The following KPNB1 variants were observed in gnomAD, a reference collection of about 807,000 sequenced individuals.
KPNB1 encodes the protein importin subunit beta-1.
In KPNB1, 7 loss-of-function variants were observed where a neutral mutation model predicts 113.0. That is an observed-to-expected ratio of 0.06 (90% confidence interval 0.04 to 0.12). KPNB1 has a LOEUF of 0.12. Ranked by LOEUF, KPNB1 falls within the 10% of genes least tolerant of loss-of-function variation. The probability of loss-of-function intolerance (pLI) is 1.00; values close to 1 mark genes in which losing one functional copy is unlikely to be tolerated. For missense variants in KPNB1, 400 were observed against 1,054.8 expected, an observed-to-expected ratio of 0.38 and a Z score of 8.60; for synonymous variants, 363 against 378.6, an observed-to-expected ratio of 0.96 and a Z score of 0.48.
intron 21 of KPNB1, 51 bp downstream of exon 21, chr17:47,680,720 G>C (rs375442997): frequency 6.4e-7 from 1 of 1,563,908 alleles, no homozygotes; most frequent in Non-Finnish European, 8.7e-7. Context: ...GGAGGAGGGG[G>C]GTATGTTTTC....
rs752527694 is a variant in KPNB1, at chr17:47,684,900, G to A, written c.*2496G>A. On this transcript the variant is annotated 3_prime_UTR_variant, in exon 22 of 22. Coordinates refer to ENST00000290158, the MANE Select transcript of KPNB1 (RefSeq NM_002265.6). ...AGTCTGGGTATTTGTCCTTATATCA[G>A]TTATACCACCTAAGGCAACTGGGTG... 1 of 152,276 alleles carries A rather than the reference G, an allele frequency of 6.6e-6. No individual in the cohort carries two copies. The highest frequency in any genetic ancestry group is 1.5e-5 in the Non-Finnish European group (1 of 68,052). The allele number at this position is 152,276 out of a possible 1,614,324, so 9.4% of individuals were successfully genotyped here.
intron 9 of KPNB1, among the ~76,000 whole-genome samples, chr17:47,665,504 C>T (rs1216163636): frequency 1.3e-5 from 2 of 152,148 alleles, no homozygotes; most frequent in Admixed American, 6.6e-5. Context: ...AGGCCACTTG[C>T]GTATCTGTTG....
chr17:47,675,385 G>GTTTTTTTTTTTTTTTTTTTTTTT (rs1462077639), intron 15 of KPNB1, among the ~76,000 whole-genome samples: 1 of 82,110 alleles, frequency 1.2e-5, no homozygotes, highest in Non-Finnish European at 2.3e-5. Flanking sequence ...TTTTTTTTTT[G>GTTTTTTTTTTTTTTTTTTTTTTT]TTTGTTTTTT....
chr17:47,669,898 G>A, intron 11 of KPNB1, 29 bp downstream of exon 11: 1 of 1,513,934 alleles, frequency 6.6e-7, no homozygotes, highest in African/African-American at 1.4e-5. Context: ...GGTGAGAAAA[G>A]GAGCTTGCCT....
At chr17:47,666,489 A>G (rs1210510660) in intron 9 of KPNB1, among the ~76,000 whole-genome samples, 1 of 145,258 alleles carries the variant, frequency 6.9e-6, no homozygotes, top group African/African-American at 2.5e-5. Context: ...TATATATTAT[A>G]TATTTTATAT....
Position 47,676,376 on chromosome 17 carries a change from G to A in KPNB1, c.1913-33G>A. On this transcript the variant is annotated intron_variant, in intron 15 of 21. Coordinates refer to ENST00000290158, the MANE Select transcript of KPNB1 (RefSeq NM_002265.6). ...GCCTGCCTCTGTGTTAACCCGTGGT[G>A]CTGTCATTGGCTAATAGCTTATTTC... The A allele has an allele frequency of 2.0e-6, 3 of 1,478,928 alleles. No individual in the cohort carries two copies. In the South Asian group the frequency reaches 3.4e-5, roughly 17 times the overall value. The allele number at this position is 1,478,928 out of a possible 1,614,324, so 91.6% of individuals were successfully genotyped here.
chr17:47,665,300 A>G (rs2030234526), intron 9 of KPNB1, 142 bp downstream of exon 9: 2 of 659,604 alleles, frequency 3.0e-6, no homozygotes, highest in Non-Finnish European at 5.4e-6. Flanking sequence ...GCTAAGCTGC[A>G]TCTATAAGAT....
At position 47,684,894 on chromosome 17, in the gene KPNB1, A is replaced by G. The variant is rs2030897626; in HGVS notation, c.*2490A>G. The G allele has an allele frequency of 6.6e-6, 1 of 152,224 alleles. No homozygotes were observed. The highest frequency in any genetic ancestry group is 1.5e-5 in the Non-Finnish European group (1 of 68,030). The allele number at this position is 152,224 out of a possible 1,614,324, so 9.4% of individuals were successfully genotyped here. On this transcript the variant is annotated 3_prime_UTR_variant, in exon 22 of 22. Coordinates refer to ENST00000290158, the MANE Select transcript of KPNB1 (RefSeq NM_002265.6). ...TTCCATAGTCTGGGTATTTGTCCTT[A>G]TATCAGTTATACCACCTAAGGCAAC...
At chr17:47,654,890 C>T (rs1229945918) in intron 3 of KPNB1, among the ~76,000 whole-genome samples, 1 of 152,180 alleles carries the variant, frequency 6.6e-6, no homozygotes, top group African/African-American at 2.4e-5. Flanking sequence ...CCCCTCATTC[C>T]CTCGTGTCTT....
At position 47,665,793 on chromosome 17, in the gene KPNB1, GT is replaced by G. The variant is rs1443890892; in HGVS notation, c.999+641del. On this transcript the variant is annotated intron_variant, in intron 9 of 21. Coordinates refer to ENST00000290158, the MANE Select transcript of KPNB1 (RefSeq NM_002265.6). ...TTCTCCTGACTTGATGCAACACAGT[GT>G]TTTTTGATACGGTATTTGGGAAGCT... Among the ~76,000 whole-genome samples, 6 of 152,292 alleles carry G rather than the reference GT, an allele frequency of 3.9e-5. No homozygotes were observed. The East Asian group carries it at 9.7e-4, about 24-fold the overall frequency.
At chr17:47,673,188 A>G (rs2030499720) in intron 13 of KPNB1, 23 bp downstream of exon 13, 5 of 1,612,508 alleles carry the variant, frequency 3.1e-6, no homozygotes, top group Non-Finnish European at 4.2e-6. Flanking sequence ...AGTGCCCCTG[A>G]CTATGGGTGG....
In KPNB1 at chr17:47,656,851, T is replaced by C. The variant is rs1397124196; in HGVS notation, c.283-9T>C. 4 of 1,584,604 alleles carry C rather than the reference T, an allele frequency of 2.5e-6. No individual in the cohort carries two copies. The South Asian group carries it at 4.5e-5, about 18-fold the overall frequency. On this transcript the variant is annotated splice_polypyrimidine_tract_variant and intron_variant, in intron 3 of 21. Coordinates refer to ENST00000290158, the MANE Select transcript of KPNB1 (RefSeq NM_002265.6). ...AAATTTGTATCTTTTGTCTTTTTTT[T>C]TGGTGCAGGTTTTGCAGACATTGGG... is the stretch of plus-strand genomic sequence containing the variant.
At chr17:47,662,208 G>A (rs1389401226) in intron 6 of KPNB1, 1 of 152,352 alleles carries the variant, frequency 6.6e-6, no homozygotes, top group Non-Finnish European at 1.5e-5. Flanking sequence ...GGCTGAGGCA[G>A]GAGAATTGCT....
chr17:47,669,833 C>T lies in KPNB1; in HGVS notation c.1380C>T (p.Leu460=), dbSNP rs760686304. 1.9e-6 allele frequency: 3 copies of T among 1,612,404 alleles called. No homozygotes were observed. Among genetic ancestry groups the T allele is most frequent in the Non-Finnish European group, 1.7e-6 (2 of 1,178,522 alleles). The change falls in exon 11 of 22, where the codon CTC becomes CTT. Residue 460 remains leucine (L), a synonymous_variant. Coordinates refer to ENST00000290158, the MANE Select transcript of KPNB1 (RefSeq NM_002265.6). The part of the protein sequence containing the change: ...APLLQCLIEG[L]SAEPRVASNV... Reference sequence around the variant, plus strand: ...TGCTACAGTGTCTGATTGAGGGTCTCAGTGCTGAACCCAGAGTGGCTTCAA... The same window carrying T: ...TGCTACAGTGTCTGATTGAGGGTCTTAGTGCTGAACCCAGAGTGGCTTCAA...
At chr17:47,670,033 A>G (rs1174226807) in intron 11 of KPNB1, among the ~76,000 whole-genome samples, 164 bp downstream of exon 11, 1 of 152,216 alleles carries the variant, frequency 6.6e-6, no homozygotes, top group Non-Finnish European at 1.5e-5. Flanking sequence ...TGCAAGAGCC[A>G]GTGGGAACAC....
At chr17:47,665,325 C>G (rs16956009) in intron 9 of KPNB1, among the ~76,000 whole-genome samples, 167 bp downstream of exon 9, 7,125 of 152,302 alleles carry the variant, frequency 0.047, 225 homozygotes, top group Middle Eastern at 0.16. Context: ...TAGGCTCTGA[C>G]TTCTTTGTGA....
rs1344371922 is a variant in KPNB1 at position 47,661,106 on chromosome 17, A to C, written c.637-13A>C. On this transcript the variant is annotated splice_polypyrimidine_tract_variant and intron_variant, in intron 5 of 21. Transcript: ENST00000290158. ...TGCTCTCCTAATTCTCTTTATTTTT[A>C]TTCCTCCTACAGTCTGAAAGGCACT... The C allele has an allele frequency of 6.2e-7, 1 of 1,604,446 alleles. No individual in the cohort carries two copies. Among genetic ancestry groups the C allele is most frequent in the South Asian group, 1.1e-5 (1 of 90,878 alleles).
intron 18 of KPNB1, 50 bp from the exon 19 acceptor site, chr17:47,678,258 C>T: frequency 1.9e-6 from 3 of 1,607,560 alleles, no homozygotes; most frequent in Non-Finnish European, 2.6e-6. Context: ...GACAAACATG[C>T]AGCTAAAAGT....
chr17:47,675,366 T>TGG (rs1346614916), intron 15 of KPNB1, among the ~76,000 whole-genome samples: 3 of 114,210 alleles, frequency 2.6e-5, no homozygotes, highest in African/African-American at 1.2e-4. Context: ...GTGTTGTTTT[T>TGG]TTTTTGTTTT....
Sources: gnomAD v4.1 joint callset for allele counts (sites outside exome capture counted in the v4.1 genomes callset) on GRCh38, gnomAD v4.1.1 for gene constraint, MANE v1.5 for transcripts, NCBI Gene and HGNC (gene_info 2026-07-23, HGNC 2026-07-21) for gene names.